Variants in GLG1 observed in about 807,000 individuals in gnomAD.
GLG1 encodes golgi glycoprotein 1, also known as Golgi apparatus protein 1.
Under a neutral mutation model 160.5 loss-of-function variants are expected in GLG1, and 38 were observed. That is an observed-to-expected ratio of 0.24 (90% CI 0.18 to 0.31). The LOEUF is 0.31. GLG1 is among the 10% of genes least tolerant of loss of function. The probability of loss-of-function intolerance (pLI) is 1.00; values close to 1 mark genes in which losing one functional copy is unlikely to be tolerated. For missense variants in GLG1, 1,373 were observed against 1,505.2 expected, an observed-to-expected ratio of 0.91 and a Z score of 1.45; for synonymous variants, 644 against 543.4, an observed-to-expected ratio of 1.19 and a Z score of -2.57.
At chr16:74,465,893 C>T (rs2014982804) in intron 18 of GLG1, 80 bp from the exon 19 acceptor site, 3 of 1,151,590 alleles carry the variant, frequency 2.6e-6, no homozygotes, top group Middle Eastern at 2.0e-4. Flanking sequence ...CATTCAGCTC[C>T]ACTGTGCCTC....
intron 1 of GLG1, among the ~76,000 whole-genome samples, chr16:74,591,159 C>T (rs944302072): frequency 3.3e-5 from 5 of 151,574 alleles, no homozygotes; most frequent in African/African-American, 7.3e-5. Context: ...GGTGAAACCC[C>T]GTCTCTACTA....
chr16:74,482,840 C>G (rs746096391), intron 10 of GLG1, among the ~76,000 whole-genome samples, 183 bp downstream of exon 10: 1 of 152,132 alleles, frequency 6.6e-6, no homozygotes. Context: ...TGGGCTGACT[C>G]TGCTTTTAGA....
chr16:74,458,584 G>A (rs146816043), intron 23 of GLG1, among the ~76,000 whole-genome samples: 1 of 152,260 alleles, frequency 6.6e-6, no homozygotes, highest in African/African-American at 2.4e-5. Flanking sequence ...AGGTTGAGGT[G>A]GGAGGACTGC....
intron 3 of GLG1, among the ~76,000 whole-genome samples, chr16:74,507,604 C>A (rs1214330010): frequency 6.6e-6 from 1 of 152,036 alleles, no homozygotes. Flanking sequence ...GTCCTGGTGG[C>A]ATGTGCCTGT....
chr16:74,527,245 CTTT>C (rs71158522), intron 2 of GLG1, among the ~76,000 whole-genome samples: 1 of 83,104 alleles, frequency 1.2e-5, no homozygotes, highest in Non-Finnish European at 2.3e-5. Flanking sequence ...TAAGTCAGTT[CTTT>C]TTTTTTTTTT....
chr16:74,602,197 T>C (rs1958453709), intron 1 of GLG1, among the ~76,000 whole-genome samples: 1 of 152,210 alleles, frequency 6.6e-6, no homozygotes, highest in South Asian at 2.1e-4. Context: ...AATTAGTTTA[T>C]TTAAATATTT....
intron 1 of GLG1, among the ~76,000 whole-genome samples, chr16:74,590,346 C>G (rs926306880): frequency 6.6e-6 from 1 of 151,750 alleles, no homozygotes; most frequent in African/African-American, 2.4e-5. Flanking sequence ...GGCCAGGTGC[C>G]ATGGCTCACG....
rs774236674 is a variant in GLG1 at position 74,493,058 on chromosome 16, C to T, written c.1133G>A (p.Ser378Asn). Residue 378 changes from serine to asparagine, a missense_variant, in exon 7 of 26, where the codon AGT becomes AAT. This residue lies in a region of GLG1 where 174 missense variants were observed against 229.9 expected (regional missense o/e 0.76). Transcript: ENST00000422840. ...ATTGCACCGGTATTTCTTCAAGTCA[C>T]TTTTACAGGATTTGGCCAATGAATA... ...VSYSLAKSCK[S>N]DLKKYRCNVE... is the part of the protein sequence containing the mutation. The T allele has an allele frequency of 3.7e-6, 6 of 1,613,872 alleles. No homozygotes were observed. Among genetic ancestry groups the T allele is most frequent in the Non-Finnish European group, 5.1e-6 (6 of 1,179,788 alleles).
In GLG1 at chr16:74,468,067, C is replaced by A. The variant is rs534516175; in HGVS notation, c.2437-219G>T. ...TGCAAAACACAATGCCAAGTCTACC[C>A]TGAAACACCTTATTTAGTCCTTCAC... On this transcript the variant is annotated intron_variant, in intron 17 of 25. Coordinates refer to ENST00000422840, the MANE Select transcript of GLG1 (RefSeq NM_001145667.2). The A allele has an allele frequency of 8.4e-6, 4 of 478,548 alleles. No homozygotes were observed. The Admixed American group carries it at 1.6e-4, about 19-fold the overall frequency. 29.6% of individuals were successfully genotyped at this position (478,548 alleles called of 1,614,324 possible).
chr16:74,457,255 G>A (rs1221413432), intron 24 of GLG1, among the ~76,000 whole-genome samples: 1 of 152,128 alleles, frequency 6.6e-6, no homozygotes, highest in African/African-American at 2.4e-5. Context: ...AAATGAGCCA[G>A]GCATGGTGGT....
chr16:74,457,486 T>TC (rs1424796466), intron 24 of GLG1, among the ~76,000 whole-genome samples: 3 of 152,172 alleles, frequency 2.0e-5, no homozygotes, highest in Non-Finnish European at 4.4e-5. Context: ...TTGCCTTGGC[T>TC]CCCTCCTCAC....
intron 13 of GLG1, among the ~76,000 whole-genome samples, chr16:74,473,182 C>G (rs919225478): frequency 1.3e-5 from 2 of 152,008 alleles, no homozygotes; most frequent in African/African-American, 4.8e-5. Context: ...AAATAACATC[C>G]CAGTGCTTTA....
At chr16:74,533,981 T>C (rs1164364198) in intron 1 of GLG1, among the ~76,000 whole-genome samples, 1 of 152,138 alleles carries the variant, frequency 6.6e-6, no homozygotes, top group Non-Finnish European at 1.5e-5. Flanking sequence ...ACACCTAGCA[T>C]TATTTCAAGA....
chr16:74,555,414 C>T (rs990714038), intron 1 of GLG1, among the ~76,000 whole-genome samples: 16 of 152,092 alleles, frequency 1.1e-4, no homozygotes, highest in South Asian at 2.1e-4. Context: ...AGGCTGGGTG[C>T]GGTGGCTCAC....
At chr16:74,558,401 G>A (rs1043466618) in intron 1 of GLG1, among the ~76,000 whole-genome samples, 1 of 152,168 alleles carries the variant, frequency 6.6e-6, no homozygotes. Context: ...ATGAATAATG[G>A]ATAATAAAAT....
chr16:74,507,262 C>G (rs2016645847), intron 3 of GLG1, among the ~76,000 whole-genome samples: 1 of 152,062 alleles, frequency 6.6e-6, no homozygotes. Flanking sequence ...CATCGTGATA[C>G]ACACATTATA....
chr16:74,502,177 G>C (rs1230393468), intron 4 of GLG1, among the ~76,000 whole-genome samples: 1 of 152,188 alleles, frequency 6.6e-6, no homozygotes, highest in Non-Finnish European at 1.5e-5. Flanking sequence ...TTAATGAGCA[G>C]CAGCAACTAA....
In GLG1 at chr16:74,465,811, A is replaced by G. The variant is rs2014979609; in HGVS notation, c.2532T>C (p.Ile844=). Residue 844 remains isoleucine (I), a splice_region_variant and synonymous_variant, in exon 19 of 26, where the codon ATT becomes ATC. Transcript: ENST00000422840. ...CSAVQYGNAQ[I]IECLKENKKQ... ...TCTTGTTTTCTTTCAGACATTCGAT[A>G]ATCTATGGCAAAAGAGTTATAGTCA... 6.2e-7 allele frequency: 1 copy of G among 1,613,478 alleles called. No individual in the cohort carries two copies. Among genetic ancestry groups the G allele is most frequent in the Non-Finnish European group, 8.5e-7 (1 of 1,179,554 alleles).
Position 74,607,063 on chromosome 16 carries a change from A to C in GLG1, c.32T>G (p.Phe11Cys), listed in dbSNP as rs1379159360. 5 of 1,583,898 alleles carry C rather than the reference A, an allele frequency of 3.2e-6. No homozygotes were observed. The highest frequency in any genetic ancestry group is 3.4e-6 in the Non-Finnish European group (4 of 1,168,106). Residue 11 changes from phenylalanine to cysteine, a missense_variant, in exon 1 of 26, where the codon TTC becomes TGC. Phe to Cys is a radical substitution (Grantham distance 205). Coordinates refer to ENST00000422840, the MANE Select transcript of GLG1 (RefSeq NM_001145667.2). MAACGRVRRM[F>C]RLSAALHLLL... ...CAGATGCAGCGCCGCCGACAAGCGG[A>C]ACATCCTCCGTACACGTCCACACGC...
Sources: allele counts gnomAD v4.1 joint callset (sites outside exome capture counted in the v4.1 genomes callset), GRCh38; gene constraint gnomAD v4.1.1; regional missense constraint gnomAD v4.1.1; transcripts MANE v1.5; gene names NCBI Gene and HGNC (gene_info 2026-07-23, HGNC 2026-07-21).